MBD5: variants seen among roughly 807,000 people sequenced by gnomAD.
The protein encoded by MBD5 is methyl-CpG binding domain protein 5.
In MBD5, 13 loss-of-function variants were observed where a neutral mutation model predicts 117.3. The ratio of observed to expected loss-of-function variants is 0.11; its 90% CI spans 0.07 to 0.18. The LOEUF (loss-of-function observed/expected upper bound fraction) is 0.18. MBD5 is among the 10% of genes least tolerant of loss of function. The pLI is 1.00. For synonymous variants in MBD5, 727 were observed against 766.4 expected, an observed-to-expected ratio of 0.95 and a Z score of 0.85; for missense variants, 1,879 against 2,093.8, an observed-to-expected ratio of 0.90 and a Z score of 2.00.
chr2:148,059,744 G>C (rs966628480), intron 1 of MBD5, among the ~76,000 whole-genome samples: 2 of 151,932 alleles, frequency 1.3e-5, no homozygotes, highest in African/African-American at 4.8e-5. Flanking sequence ...TACTTGGGAG[G>C]CTGAGGCAGG....
At chr2:148,307,756 A>G (rs1461390846) in intron 3 of MBD5, among the ~76,000 whole-genome samples, 1 of 152,094 alleles carries the variant, frequency 6.6e-6, no homozygotes, top group East Asian at 1.9e-4. Context: ...CCCGTCATCT[A>G]CATTAGGTAT....
At chr2:148,485,585 C>T (rs1681310932) in intron 9 of MBD5, 157 bp from the exon 10 acceptor site, 2 of 640,534 alleles carry the variant, frequency 3.1e-6, no homozygotes. Flanking sequence ...CTACTCTTTC[C>T]TTACCACTTA....
chr2:148,490,447 A>G lies in MBD5; in HGVS notation c.4815A>G (p.Ser1605=), dbSNP rs1258332102. Residue 1605 remains serine (S), a synonymous_variant, in exon 11 of 14, where the codon TCA becomes TCG. Coordinates refer to ENST00000642680, the MANE Select transcript of MBD5 (RefSeq NM_001378120.1). The part of the protein sequence containing the change: ...DDLRNPDSPS[S]NELIHYRPRT... ...TAAGGAACCCAGACTCCCCCTCTTC[A>G]AATGAATTGATACATTATAGACCAA... 6.2e-7 allele frequency: 1 copy of G among 1,614,234 alleles called. No homozygotes were observed. The highest frequency in any genetic ancestry group is 1.7e-5 in the Admixed American group (1 of 60,026).
At chr2:148,042,551 C>T (rs1399420333) in intron 1 of MBD5, among the ~76,000 whole-genome samples, 1 of 151,764 alleles carries the variant, frequency 6.6e-6, no homozygotes, top group South Asian at 2.1e-4. Context: ...TATCGAGCCT[C>T]AGTACGTTAC....
At chr2:148,477,259 T>A (rs1325803000) in intron 8 of MBD5, among the ~76,000 whole-genome samples, 2 of 152,144 alleles carry the variant, frequency 1.3e-5, no homozygotes, top group Non-Finnish European at 2.9e-5. Context: ...ACTGCTCTTT[T>A]CTCCTCCCCA....
intron 1 of MBD5, among the ~76,000 whole-genome samples, chr2:148,160,870 T>C (rs962175059): frequency 6.6e-6 from 1 of 152,216 alleles, no homozygotes; most frequent in African/African-American, 2.4e-5. Flanking sequence ...TTTATAGTGA[T>C]TTGTGTGTAT....
chr2:148,303,851 CT>C (rs1189954334), intron 3 of MBD5, among the ~76,000 whole-genome samples: 2 of 152,054 alleles, frequency 1.3e-5, no homozygotes, highest in African/African-American at 4.8e-5. Context: ...AAAATATTTA[CT>C]GGTATCAAAT....
chr2:148,033,466 A>T (rs944706790), intron 1 of MBD5, among the ~76,000 whole-genome samples: 1 of 152,182 alleles, frequency 6.6e-6, no homozygotes, highest in Non-Finnish European at 1.5e-5. Flanking sequence ...TCAATAAATT[A>T]TCTTCATTTC....
At chr2:148,309,782 T>C (rs1357883432) in intron 3 of MBD5, among the ~76,000 whole-genome samples, 1 of 152,216 alleles carries the variant, frequency 6.6e-6, no homozygotes. Context: ...CAGTATGATA[T>C]TGGCTGTAGG....
At chr2:148,329,584 G>A (rs1260264912) in intron 3 of MBD5, among the ~76,000 whole-genome samples, 2 of 152,144 alleles carry the variant, frequency 1.3e-5, no homozygotes, top group South Asian at 4.1e-4. Flanking sequence ...ATTTTCATAA[G>A]GGTTCAAATA....
chr2:148,116,114 G>A (rs1157681378), intron 1 of MBD5, among the ~76,000 whole-genome samples: 2 of 152,042 alleles, frequency 1.3e-5, no homozygotes, highest in Admixed American at 1.3e-4. Context: ...AAATTGCTGA[G>A]ATTACAGGCA....
At chr2:148,056,460 G>A (rs1694866360) in intron 1 of MBD5, among the ~76,000 whole-genome samples, 1 of 151,414 alleles carries the variant, frequency 6.6e-6, no homozygotes. Flanking sequence ...TTTTTTTCTT[G>A]TGGATGCCTT....
chr2:148,043,811 A>G (rs1347394734), intron 1 of MBD5, among the ~76,000 whole-genome samples: 1 of 152,232 alleles, frequency 6.6e-6, no homozygotes, highest in East Asian at 1.9e-4. Flanking sequence ...AGTACCTATG[A>G]TTTGCAAAAT....
At chr2:148,497,485 C>G (rs1307497690) in intron 11 of MBD5, among the ~76,000 whole-genome samples, 1 of 152,012 alleles carries the variant, frequency 6.6e-6, no homozygotes, top group Non-Finnish European at 1.5e-5. Context: ...GCCAGGAGTT[C>G]AAGACTAGCA....
In MBD5 at chr2:148,502,475, G is replaced by C. The variant is rs751498339; in HGVS notation, c.5002G>C (p.Glu1668Gln). 2 of 1,614,210 alleles carry C rather than the reference G, an allele frequency of 1.2e-6. No homozygotes were observed. The highest frequency in any genetic ancestry group is 2.2e-5 in the South Asian group (2 of 91,082). Residue 1668 changes from glutamate (E) to glutamine (Q), a missense_variant, in exon 12 of 14, where the codon GAA becomes CAA. By Grantham distance (29) the Glu-to-Gln change is conservative. This residue lies in a region of MBD5 where 135 missense variants were observed against 148.0 expected (regional missense o/e 0.91). Coordinates refer to ENST00000642680, the MANE Select transcript of MBD5 (RefSeq NM_001378120.1). ...EKLKTLTEGL[E>Q]AYSRVRKRNR... Reference sequence around the variant, plus strand: ...GTTGAAGACACTAACAGAAGGTTTGGAAGCCTACAGCCGTGTCCGGAAAAG... The same window carrying C: ...GTTGAAGACACTAACAGAAGGTTTGCAAGCCTACAGCCGTGTCCGGAAAAG...
chr2:148,269,254 A>G (rs1700926345), intron 3 of MBD5, among the ~76,000 whole-genome samples: 1 of 151,370 alleles, frequency 6.6e-6, no homozygotes, highest in Non-Finnish European at 1.5e-5. Context: ...CTTTAGGTTC[A>G]TATTTTCTTT....
chr2:148,331,695 A>G (rs1243450171), intron 3 of MBD5, among the ~76,000 whole-genome samples: 1 of 152,124 alleles, frequency 6.6e-6, no homozygotes, highest in Admixed American at 6.6e-5. Context: ...TCAGATTTTC[A>G]AGGCATGAAA....
chr2:148,452,327 T>G (rs750182397), intron 4 of MBD5, among the ~76,000 whole-genome samples: 14 of 151,890 alleles, frequency 9.2e-5, no homozygotes, highest in Non-Finnish European at 1.9e-4. Context: ...GAGACTCCCA[T>G]CTCCACAAAA....
rs1258181416 is a variant in MBD5 at position 148,150,668 on chromosome 2, G to C, written c.-924-28032G>C. Among the ~76,000 whole-genome samples, 15 of 151,978 alleles carry C rather than the reference G, an allele frequency of 9.9e-5. No homozygotes were observed. In the East Asian group the frequency reaches 2.1e-3, roughly 22 times the overall value. On this transcript the variant is annotated intron_variant, in intron 1 of 13. Coordinates refer to ENST00000642680, the MANE Select transcript of MBD5 (RefSeq NM_001378120.1). ...AAGAGGTCCTTCACATCCCTTGTAA[G>C]TTGGATTCCTAGGTATTTTATTCTC...
Sources: gnomAD v4.1 joint callset for allele counts (sites outside exome capture counted in the v4.1 genomes callset) on GRCh38, gnomAD v4.1.1 for gene constraint, gnomAD v4.1.1 regional missense constraint, MANE v1.5 for transcripts, NCBI Gene and HGNC (gene_info 2026-07-23, HGNC 2026-07-21) for gene names.